The following RPGRIP1L variants were observed in gnomAD, a reference collection of about 807,000 sequenced individuals.
The protein encoded by RPGRIP1L is RPGRIP1 like, also known as protein fantom.
RPGRIP1L carries 131 observed loss-of-function variants against 160.4 expected under a neutral mutation model. That is an observed-to-expected ratio of 0.82 (90% confidence interval 0.71 to 0.94). The LOEUF is 0.94. Among genes scored for constraint, RPGRIP1L ranks in the 40% least tolerant of loss-of-function variants. The pLI is 0.00. For missense variants in RPGRIP1L, 1,522 were observed against 1,535.8 expected (o/e 0.99, Z 0.15); for synonymous variants, 510 against 515.8 (o/e 0.99, Z 0.15).
rs1966185535 is a variant in RPGRIP1L, at chr16:53,641,095, G to C, written c.2896C>G (p.Gln966Glu). 6.2e-7 allele frequency: 1 copy of C among 1,613,650 alleles called. No individual in the cohort carries two copies. The highest frequency in any genetic ancestry group is 1.3e-5 in the African/African-American group (1 of 74,890). The change falls in exon 19 of 27, where the codon CAA becomes GAA. Residue 966 changes from glutamine (Q) to glutamate (E), a missense_variant. Coordinates refer to ENST00000647211, the MANE Select transcript of RPGRIP1L (RefSeq NM_015272.5). ...TTCTTATCTACAGGTGTTAAACGTT[G>C]TCTTGGTTTAGGTCTTGGTGCCTAA... is the stretch of plus-strand genomic sequence containing the variant. ...LVLAPRPKPRQRLTPVDKKVS... is the reference protein window; with the variant it reads ...LVLAPRPKPRERLTPVDKKVS...
rs951823557 is a variant in RPGRIP1L, at chr16:53,651,822, A to G, written c.2152+713T>C. On this transcript the variant is annotated intron_variant, in intron 15 of 26. Transcript: ENST00000647211. ...ACTGACCACCATATTCCCAGTGCCT[A>G]CTAACAGTGATAACATAAGGTCTTA... Among the ~76,000 whole-genome samples, 3 of 152,118 alleles carry G rather than the reference A, an allele frequency of 2.0e-5. No homozygotes were observed. The East Asian group carries it at 5.8e-4, about 29-fold the overall frequency.
intron 9 of RPGRIP1L, among the ~76,000 whole-genome samples, chr16:53,666,175 T>C (rs998943343): frequency 6.6e-6 from 1 of 152,196 alleles, no homozygotes; most frequent in Non-Finnish European, 1.5e-5. Context: ...AAGATACTTT[T>C]CTGGGAGGCA....
intron 26 of RPGRIP1L, among the ~76,000 whole-genome samples, chr16:53,602,876 G>A (rs1244914006): frequency 6.6e-6 from 1 of 152,140 alleles, no homozygotes; most frequent in African/African-American, 2.4e-5. Flanking sequence ...CTGTACAGAT[G>A]TTACATGATC....
At chr16:53,668,296 T>C (rs946919686) in intron 9 of RPGRIP1L, among the ~76,000 whole-genome samples, 5 of 152,186 alleles carry the variant, frequency 3.3e-5, no homozygotes, top group Admixed American at 2.6e-4. Flanking sequence ...AGAGCATCTA[T>C]GGGTGTCAGT....
chr16:53,616,479 T>C (rs1261915148), intron 24 of RPGRIP1L, among the ~76,000 whole-genome samples: 1 of 152,196 alleles, frequency 6.6e-6, no homozygotes, highest in Non-Finnish European at 1.5e-5. Flanking sequence ...TTTTTTCAGA[T>C]ATAACAGATA....
rs74957591 is a variant in RPGRIP1L at position 53,692,113 on chromosome 16, C to G, written c.482G>C (p.Arg161Pro). Residue 161 changes from arginine to proline, a missense_variant, in exon 4 of 27, where the codon CGT becomes CCT. Coordinates refer to ENST00000647211, the MANE Select transcript of RPGRIP1L (RefSeq NM_015272.5). ...NNVQSRINTG[R>P]RKANENAGLQ... is the part of the protein sequence containing the mutation. ...ACCAGCATTTTCATTTGCTTTTCTA[C>G]GCCCAGTGTTAATACGAGATTGTAC... The G allele has an allele frequency of 6.2e-7, 1 of 1,613,972 alleles. No homozygotes were observed. Among genetic ancestry groups the G allele is most frequent in the Non-Finnish European group, 8.5e-7 (1 of 1,180,000 alleles).
chr16:53,645,854 C>G lies in RPGRIP1L; in HGVS notation c.2454G>C (p.Lys818Asn). Residue 818 changes from lysine to asparagine, a missense_variant, in exon 17 of 27, where the codon AAG becomes AAC. Lys to Asn is a moderately conservative substitution (Grantham distance 94). Coordinates refer to ENST00000647211, the MANE Select transcript of RPGRIP1L (RefSeq NM_015272.5). ...TATCATGGTCTGCAAAATCAAAAAA[C>G]TTGTACACAACATATGGGTGTGGCT... ...HLQPHPYVVY[K>N]FFDFADHDTA... 1 of 1,614,060 alleles carries G rather than the reference C, an allele frequency of 6.2e-7. No homozygotes were observed. Among genetic ancestry groups the G allele is most frequent in the Middle Eastern group, 1.6e-4 (1 of 6,062 alleles).
chr16:53,606,789 T>G (rs368372042), intron 25 of RPGRIP1L, among the ~76,000 whole-genome samples: 1 of 152,140 alleles, frequency 6.6e-6, no homozygotes, highest in African/African-American at 2.4e-5. Flanking sequence ...AATTTTTGTA[T>G]TTTTAGTAGA....
At chr16:53,683,928 C>T (rs1969793668) in intron 6 of RPGRIP1L, among the ~76,000 whole-genome samples, 1 of 152,042 alleles carries the variant, frequency 6.6e-6, no homozygotes, top group Non-Finnish European at 1.5e-5. Flanking sequence ...AACTGGCTAG[C>T]CATATGCAGA....
chr16:53,657,539 G>T lies in RPGRIP1L; in HGVS notation c.1495C>A (p.Gln499Lys). The change falls in exon 13 of 27, where the codon CAA becomes AAA. Residue 499 changes from glutamine to lysine, a missense_variant. Physicochemically the swap from Gln to Lys is moderately conservative, Grantham distance 53. Transcript: ENST00000647211. ...TGCACCGTTTCTGCATGAGTTGCTTGCAGCTCTCTCATAGAGCGTTCTAGA... is the reference window on the plus strand; with the variant it reads ...TGCACCGTTTCTGCATGAGTTGCTTTCAGCTCTCTCATAGAGCGTTCTAGA... ...KDLERSMREL[Q>K]ATHAETVQEL... 6.2e-7 allele frequency: 1 copy of T among 1,610,538 alleles called. No homozygotes were observed.
At chr16:53,606,623 G>GT (rs900895143) in intron 25 of RPGRIP1L, among the ~76,000 whole-genome samples, 11 of 151,774 alleles carry the variant, frequency 7.2e-5, no homozygotes, top group South Asian at 2.1e-4. Flanking sequence ...TGTTTGTTGT[G>GT]TTTTTTTTGA....
In RPGRIP1L at chr16:53,692,218, T is replaced by C; in HGVS notation, c.377A>G (p.Asn126Ser). ...AATCAGTCTGTTTTTGAGGGTTTCA[T>C]TTTGTTTTTCAAGCTCATGAACTTT... ...QEKVHELEKQ[N>S]ETLKNRLISA... Residue 126 changes from asparagine to serine, a missense_variant, in exon 4 of 27, where the codon AAT (asparagine) becomes AGT (serine). Transcript: ENST00000647211. 6.2e-7 allele frequency: 1 copy of C among 1,614,180 alleles called. No individual in the cohort carries two copies. Among genetic ancestry groups the C allele is most frequent in the Non-Finnish European group, 8.5e-7 (1 of 1,180,040 alleles).
At position 53,610,953 on chromosome 16, in the gene RPGRIP1L, C is replaced by T. The variant is rs370009233; in HGVS notation, c.3701+14G>A. On this transcript the variant is annotated intron_variant, in intron 25 of 26. Coordinates refer to ENST00000647211, the MANE Select transcript of RPGRIP1L (RefSeq NM_015272.5). The stretch of plus-strand genomic sequence containing the variant: ...TATGTAAACCATTAGATTATTTGGA[C>T]TGCCAAAACATACCTTCTATTAGGC... 103 of 1,567,234 alleles carry T rather than the reference C, an allele frequency of 6.6e-5. No individual in the cohort carries two copies. Among genetic ancestry groups the T allele is most frequent in the Non-Finnish European group, 9.0e-5 (102 of 1,137,476 alleles).
intron 9 of RPGRIP1L, among the ~76,000 whole-genome samples, chr16:53,670,780 A>C (rs975835903): frequency 3.6e-4 from 55 of 152,130 alleles, no homozygotes; most frequent in African/African-American, 1.2e-3. Context: ...GTTCAAACAC[A>C]AGCTCTATTA....
At position 53,622,412 on chromosome 16, in the gene RPGRIP1L, T is replaced by TA. The variant is rs1260722297; in HGVS notation, c.3295-57dup. 4.9e-5 allele frequency: 28 copies of TA among 566,304 alleles called. No individual in the cohort carries two copies. In the East Asian group the frequency reaches 8.0e-4, roughly 16 times the overall value. 35.1% of individuals were successfully genotyped at this position (566,304 alleles called of 1,614,324 possible). On this transcript the variant is annotated intron_variant, in intron 22 of 26. Coordinates refer to ENST00000647211, the MANE Select transcript of RPGRIP1L (RefSeq NM_015272.5). ...ATTAAGAAGCACATTAAATGCATAA[T>TA]AGACAACTTCATCTCAGCATGTCAG...
At chr16:53,643,257 C>G (rs1966348879) in intron 17 of RPGRIP1L, among the ~76,000 whole-genome samples, 1 of 150,688 alleles carries the variant, frequency 6.6e-6, no homozygotes, top group African/African-American at 2.4e-5. Flanking sequence ...GCTGTGAGCC[C>G]AGGTGGCACC....
chr16:53,599,559 A>G lies in RPGRIP1L; in HGVS notation c.*2517T>C, dbSNP rs909808991. ...TACAGCCCAAAAAAGTGCTGCGTGC[A>G]CTGGTCTAGTTACACCAAGAAGTGT... On this transcript the variant is annotated 3_prime_UTR_variant, in exon 27 of 27. Transcript: ENST00000647211. 1 of 152,224 alleles carries G rather than the reference A, an allele frequency of 6.6e-6. No individual in the cohort carries two copies. The highest frequency in any genetic ancestry group is 1.5e-5 in the Non-Finnish European group (1 of 68,038). The allele number at this position is 152,224 out of a possible 1,614,324, so 9.4% of individuals were successfully genotyped here.
At chr16:53,638,232 G>T in intron 20 of RPGRIP1L, 78 bp downstream of exon 20, 2 of 884,296 alleles carry the variant, frequency 2.3e-6, no homozygotes, top group Admixed American at 1.8e-5. Context: ...GACTTCCTGA[G>T]TCATGTCAAA....
intron 4 of RPGRIP1L, among the ~76,000 whole-genome samples, chr16:53,690,612 T>A (rs1260247397): frequency 6.6e-6 from 1 of 152,220 alleles, no homozygotes; most frequent in Non-Finnish European, 1.5e-5. Flanking sequence ...TGTACACCAT[T>A]GTGCCTAGCT....
Sources: gnomAD v4.1 joint callset for allele counts (sites outside exome capture counted in the v4.1 genomes callset) on GRCh38, gnomAD v4.1.1 for gene constraint, MANE v1.5 for transcripts, NCBI Gene and HGNC (gene_info 2026-07-23, HGNC 2026-07-21) for gene names.